BICRA: variants seen among roughly 807,000 people sequenced by gnomAD.
BICRA encodes BRD4-interacting chromatin-remodeling complex-associated protein.
BICRA carries 31 observed loss-of-function variants against 96.9 expected under a neutral mutation model. The ratio of observed to expected loss-of-function variants is 0.32; its 90% CI spans 0.24 to 0.43. BICRA has a LOEUF of 0.43. Among genes scored for constraint, BICRA ranks in the 20% least tolerant of loss-of-function variants. The pLI is 1.00. For missense variants in BICRA, 2,283 were observed against 2,190.3 expected, an observed-to-expected ratio of 1.04 and a Z score of -0.84; for synonymous variants, 1,350 against 1,071.8, an observed-to-expected ratio of 1.26 and a Z score of -5.07.
intron 1 of BICRA, among the ~76,000 whole-genome samples, chr19:47,645,958 C>T (rs1012721653): frequency 1.7e-4 from 26 of 152,166 alleles, no homozygotes; most frequent in South Asian, 8.3e-4. Context: ...GTTAGCCAGG[C>T]GTGGTGGCAT....
At chr19:47,610,635 A>T (rs1470411527) in intron 1 of BICRA, among the ~76,000 whole-genome samples, 1 of 143,904 alleles carries the variant, frequency 6.9e-6, no homozygotes, top group Non-Finnish European at 1.5e-5. Flanking sequence ...ACACCTACCT[A>T]CCCACCCCAT....
In BICRA at chr19:47,694,488, C is replaced by G. The variant is rs1274851335; in HGVS notation, c.2657C>G (p.Ser886Cys). ...APHLPPSSTS[S>C]AVASSSETSS... The stretch of plus-strand genomic sequence containing the variant: ...CACCTCCCTCCATCCTCCACCTCCT[C>G]TGCTGTGGCCTCCTCCTCTGAGACG... The change falls in exon 8 of 15, where the codon TCT becomes TGT. Residue 886 changes from serine (S) to cysteine (C), a missense_variant. Physicochemically the swap from Ser to Cys is moderately radical, Grantham distance 112. Coordinates refer to ENST00000594866, the MANE Select transcript of BICRA (RefSeq NM_001394372.1). The G allele has an allele frequency of 2.0e-6, 3 of 1,532,886 alleles. No homozygotes were observed. Among genetic ancestry groups the G allele is most frequent in the Non-Finnish European group, 1.8e-6 (2 of 1,111,926 alleles). The allele number at this position is 1,532,886 out of a possible 1,614,324, so 95.0% of individuals were successfully genotyped here. A position where few individuals can be genotyped will look rare whatever the true frequency, so the allele number is the denominator to read the frequency against.
In BICRA at chr19:47,695,373, C is replaced by A; in HGVS notation, c.3085C>A (p.Pro1029Thr). 6.8e-7 allele frequency: 1 copy of A among 1,467,548 alleles called. No individual in the cohort carries two copies. The highest frequency in any genetic ancestry group is 9.3e-7 in the Non-Finnish European group (1 of 1,070,308). 90.9% of individuals were successfully genotyped at this position (1,467,548 alleles called of 1,614,324 possible). Residue 1029 changes from proline (P) to threonine (T), a missense_variant, in exon 10 of 15, where the codon CCT becomes ACT. Coordinates refer to ENST00000594866, the MANE Select transcript of BICRA (RefSeq NM_001394372.1). ...PAPMAATGLP[P>T]LLPAENKAFA... ...ACCCCACCCACCCCCAGGCCTCCCT[C>A]CTCTGCTTCCAGCCGAGAACAAGGC...
At chr19:47,617,217 C>T (rs1047436926) in intron 1 of BICRA, among the ~76,000 whole-genome samples, 2 of 152,132 alleles carry the variant, frequency 1.3e-5, no homozygotes, top group Non-Finnish European at 2.9e-5. Flanking sequence ...CTCAACAGTC[C>T]TCCGACTTTG....
chr19:47,671,182 G>C (rs962330965), intron 2 of BICRA, among the ~76,000 whole-genome samples: 1 of 152,200 alleles, frequency 6.6e-6, no homozygotes, highest in Non-Finnish European at 1.5e-5. Context: ...AGCCCACTGT[G>C]GGGGGTCCCT....
At chr19:47,685,786 T>TGTGTGCGCGCGCGCGCGCGCGCGC in intron 7 of BICRA, among the ~76,000 whole-genome samples, 2 of 117,930 alleles carry the variant, frequency 1.7e-5, no homozygotes, top group Non-Finnish European at 3.3e-5. Context: ...TGTGTGTGTG[T>TGTGTGCGCGCGCGCGCGCGCGCGC]GCGCGCGCGC....
intron 1 of BICRA, among the ~76,000 whole-genome samples, chr19:47,653,854 C>T (rs1972575867): frequency 6.6e-6 from 1 of 152,104 alleles, no homozygotes; most frequent in African/African-American, 2.4e-5. Flanking sequence ...TTTTTTGAAA[C>T]TGAGTTTCGC....
intron 1 of BICRA, among the ~76,000 whole-genome samples, chr19:47,618,910 AC>A (rs916743059): frequency 6.6e-6 from 1 of 152,146 alleles, no homozygotes; most frequent in African/African-American, 2.4e-5. Flanking sequence ...ACTCTCGTCC[AC>A]CGTGTGAGGC....
intron 7 of BICRA, among the ~76,000 whole-genome samples, chr19:47,691,157 C>T (rs1324770643): frequency 6.6e-6 from 1 of 152,242 alleles, no homozygotes; most frequent in Non-Finnish European, 1.5e-5. Flanking sequence ...CCCACGCTCA[C>T]TTGTGTGGCT....
At chr19:47,620,437 C>T (rs2123509243) in intron 1 of BICRA, among the ~76,000 whole-genome samples, 1 of 152,052 alleles carries the variant, frequency 6.6e-6, no homozygotes, top group South Asian at 2.1e-4. Flanking sequence ...GAGGTCAGGG[C>T]AGGTGGATCA....
Position 47,699,362 on chromosome 19 carries a change from G to T in BICRA, c.3552G>T (p.Lys1184Asn). 1 of 1,569,944 alleles carries T rather than the reference G, an allele frequency of 6.4e-7. No homozygotes were observed. Among genetic ancestry groups the T allele is most frequent in the Non-Finnish European group, 8.6e-7 (1 of 1,157,722 alleles). Residue 1184 changes from lysine to asparagine, a missense_variant, in exon 14 of 15, where the codon AAG becomes AAT. By Grantham distance (94) the Lys-to-Asn change is moderately conservative. Coordinates refer to ENST00000594866, the MANE Select transcript of BICRA (RefSeq NM_001394372.1). The surrounding 1 kb of genome is among the most constrained non-coding windows in gnomAD (Gnocchi z 5.0). ...MIDRMFIQEE[K>N]TTLALDKQLA... ...ACCGAATGTTCATTCAGGAGGAGAAGACCACCCTTGCCTTGGATAAACAGC... is the reference window on the plus strand; with the variant it reads ...ACCGAATGTTCATTCAGGAGGAGAATACCACCCTTGCCTTGGATAAACAGC...
intron 1 of BICRA, among the ~76,000 whole-genome samples, chr19:47,643,529 C>G (rs1443840635): frequency 6.6e-6 from 1 of 152,104 alleles, no homozygotes; most frequent in Non-Finnish European, 1.5e-5. Flanking sequence ...ACGGTGCTGT[C>G]CCTGGGGTCC....
chr19:47,653,526 C>T (rs1292472304), intron 1 of BICRA, among the ~76,000 whole-genome samples: 2 of 152,168 alleles, frequency 1.3e-5, no homozygotes, highest in African/African-American at 2.4e-5. Context: ...TTCTCCCTCC[C>T]CGCAGTCCTT....
intron 7 of BICRA, among the ~76,000 whole-genome samples, chr19:47,684,556 G>C (rs1216583746): frequency 6.6e-6 from 1 of 152,110 alleles, no homozygotes; most frequent in Non-Finnish European, 1.5e-5. Context: ...CTGACCTCAG[G>C]TGATCCACCC....
intron 1 of BICRA, among the ~76,000 whole-genome samples, chr19:47,667,548 T>G (rs1213722971): frequency 6.6e-6 from 1 of 152,104 alleles, no homozygotes; most frequent in Non-Finnish European, 1.5e-5. Context: ...ACCCTTCATC[T>G]TGGGAGCTCG....
At position 47,685,947 on chromosome 19, in the gene BICRA, G is replaced by GT. The variant is rs57184017; in HGVS notation, c.2283+3810dup. Among the ~76,000 whole-genome samples, 456 of 138,544 alleles carry GT rather than the reference G, an allele frequency of 3.3e-3. 1 individual carries two copies. Among genetic ancestry groups the GT allele is most frequent in the South Asian group, 5.1e-3 (22 of 4,348 alleles). 90.9% of individuals were successfully genotyped at this position (138,544 alleles called of 152,430 possible). A position where few individuals can be genotyped will look rare whatever the true frequency, so the allele number is the denominator to read the frequency against. ...GACCCACCACCCGGGATAAGAATTT[G>GT]TTTTTTTTTTTTTTTCTCTGTCACC... On this transcript the variant is annotated intron_variant, in intron 7 of 14. Transcript: ENST00000594866.
intron 1 of BICRA, among the ~76,000 whole-genome samples, chr19:47,626,792 G>A (rs1972147878): frequency 6.9e-6 from 1 of 143,988 alleles, no homozygotes; most frequent in African/African-American, 2.6e-5. Flanking sequence ...CGTGATCTCA[G>A]CTCACTGCAA....
chr19:47,610,690 C>T lies in BICRA; in HGVS notation c.-108+1522C>T, dbSNP rs188588263. ...GGTGCCTTTCTCTTACACCTCTTTA[C>T]GGAGGGCACTTGAAAGGGAAACTAG... On this transcript the variant is annotated intron_variant, in intron 1 of 14. Transcript: ENST00000594866. Among the ~76,000 whole-genome samples the T allele has an allele frequency of 6.9e-4, 104 of 151,718 alleles. 1 individual carries two copies. Among genetic ancestry groups the T allele is most frequent in the African/African-American group, 2.4e-3 (100 of 41,330 alleles).
chr19:47,694,554 T>C lies in BICRA; in HGVS notation c.2723T>C (p.Leu908Pro). 1 of 1,600,892 alleles carries C rather than the reference T, an allele frequency of 6.2e-7. No individual in the cohort carries two copies. Among genetic ancestry groups the C allele is most frequent in the African/African-American group, 1.4e-5 (1 of 70,528 alleles). ...LPAPTPSDFQ[L>P]QFPPSQGPHK... ...GCCCCTACGCCATCCGACTTCCAGC[T>C]CCAGTTCCCACCCAGCCAGGGGCCC... The change falls in exon 8 of 15, where the codon CTC becomes CCC. Residue 908 changes from leucine to proline, a missense_variant. Physicochemically the swap from Leu to Pro is moderately conservative, Grantham distance 98. Transcript: ENST00000594866.
Sources: gnomAD v4.1 joint callset for allele counts (sites outside exome capture counted in the v4.1 genomes callset) on GRCh38, gnomAD v4.1.1 for gene constraint, Gnocchi (gnomAD v3.1) non-coding constraint, MANE v1.5 for transcripts, NCBI Gene and HGNC (gene_info 2026-07-23, HGNC 2026-07-21) for gene names.